Variants in CNTNAP2 observed in about 807,000 individuals in gnomAD.
The protein encoded by CNTNAP2 is contactin associated protein 2, also known as contactin-associated protein-like 2.
A neutral mutation model predicts 155.2 loss-of-function variants in CNTNAP2; 98 were observed. The observed-to-expected ratio is 0.63, with a 90% CI of 0.54 to 0.75. CNTNAP2 has a LOEUF of 0.75. Among genes scored for constraint, CNTNAP2 ranks in the 30% least tolerant of loss-of-function variants. The probability of loss-of-function intolerance (pLI) is 0.00; values close to 1 mark genes in which losing one functional copy is unlikely to be tolerated. For missense variants in CNTNAP2, 1,727 were observed against 1,688.1 expected (o/e 1.02, Z -0.40); for synonymous variants, 651 against 631.2 (o/e 1.03, Z -0.47).
chr7:147,856,150 G>A (rs922193761), intron 13 of CNTNAP2, among the ~76,000 whole-genome samples: 1 of 152,002 alleles, frequency 6.6e-6, no homozygotes, highest in African/African-American at 2.4e-5. Context: ...TCAACCGGCC[G>A]ACCCTGCTGC....
intron 4 of CNTNAP2, among the ~76,000 whole-genome samples, chr7:147,088,556 G>A (rs1340680631): frequency 6.6e-6 from 1 of 152,092 alleles, no homozygotes; most frequent in Non-Finnish European, 1.5e-5. Flanking sequence ...AACTAAATCA[G>A]ATTCTAAAAT....
At chr7:147,170,354 A>G (rs1584769310) in intron 8 of CNTNAP2, among the ~76,000 whole-genome samples, 1 of 151,192 alleles carries the variant, frequency 6.6e-6, no homozygotes, top group African/African-American at 2.4e-5. Context: ...GAGAGGGGTA[A>G]CCCCCTCACC....
intron 1 of CNTNAP2, among the ~76,000 whole-genome samples, chr7:146,712,665 T>TA (rs1296426632): frequency 6.6e-6 from 1 of 151,808 alleles, no homozygotes; most frequent in Non-Finnish European, 1.5e-5. Flanking sequence ...TTGCCTTTTT[T>TA]TTTCTTTTTT....
chr7:148,236,577 AGTCT>A (rs1353305304), intron 20 of CNTNAP2, among the ~76,000 whole-genome samples: 1 of 152,236 alleles, frequency 6.6e-6, no homozygotes, highest in Non-Finnish European at 1.5e-5. Flanking sequence ...TTAGGCATTT[AGTCT>A]GCCTTCCAGG....
At chr7:146,971,708 C>G (rs1584758139) in intron 3 of CNTNAP2, among the ~76,000 whole-genome samples, 1 of 152,196 alleles carries the variant, frequency 6.6e-6, no homozygotes, top group African/African-American at 2.4e-5. Flanking sequence ...GGGTCACTCT[C>G]TGGCCTACTA....
Position 147,132,439 on chromosome 7 carries a change from C to T in CNTNAP2, c.1278C>T (p.Leu426=). 6.2e-7 allele frequency: 1 copy of T among 1,613,644 alleles called. No homozygotes were observed. The highest frequency in any genetic ancestry group is 8.5e-7 in the Non-Finnish European group (1 of 1,179,754). The part of the protein sequence containing the change: ...ADNLGNVEID[L]TESKVGVHIN... Reference sequence around the variant, plus strand: ...ATTTGGGCAATGTGGAGATTGACCTCACTGAAAGCAAAGTGGGTGTTCACA... The same window carrying T: ...ATTTGGGCAATGTGGAGATTGACCTTACTGAAAGCAAAGTGGGTGTTCACA... The change falls in exon 8 of 24, where the codon CTC becomes CTT. Residue 426 remains leucine (L), a synonymous_variant. Transcript: ENST00000361727.
chr7:148,196,526 C>T (rs1426294940), intron 18 of CNTNAP2, among the ~76,000 whole-genome samples: 1 of 152,040 alleles, frequency 6.6e-6, no homozygotes, highest in Non-Finnish European at 1.5e-5. Flanking sequence ...ACAGCTGGGA[C>T]CAGAGGGGTC....
intron 11 of CNTNAP2, among the ~76,000 whole-genome samples, chr7:147,535,502 T>C (rs904963059): frequency 1.3e-5 from 2 of 152,200 alleles, no homozygotes; most frequent in African/African-American, 2.4e-5. Flanking sequence ...AGATTTCTAG[T>C]TGGAGAATGA....
At chr7:148,152,358 C>T (rs1805312411) in intron 17 of CNTNAP2, among the ~76,000 whole-genome samples, 1 of 151,894 alleles carries the variant, frequency 6.6e-6, no homozygotes, top group African/African-American at 2.4e-5. Flanking sequence ...AAATTGTCCT[C>T]ATGTGCTGAG....
intron 3 of CNTNAP2, among the ~76,000 whole-genome samples, chr7:146,917,559 T>C (rs1796418865): frequency 6.6e-6 from 1 of 152,170 alleles, no homozygotes; most frequent in South Asian, 2.1e-4. Flanking sequence ...CATGATATAA[T>C]GTCCTTCTTT....
chr7:147,730,870 C>G (rs185196532), intron 13 of CNTNAP2, among the ~76,000 whole-genome samples: 36 of 152,134 alleles, frequency 2.4e-4, no homozygotes, highest in Admixed American at 3.3e-4. Context: ...AAAACATGAA[C>G]GATAGAAAAG....
intron 1 of CNTNAP2, among the ~76,000 whole-genome samples, chr7:146,454,378 C>G (rs1029417200): frequency 6.6e-6 from 1 of 152,004 alleles, no homozygotes; most frequent in East Asian, 1.9e-4. Context: ...AGTTTGTTTA[C>G]GCAGAAGCAA....
chr7:147,905,319 G>A (rs1799941356), intron 14 of CNTNAP2, among the ~76,000 whole-genome samples: 1 of 152,174 alleles, frequency 6.6e-6, no homozygotes, highest in Non-Finnish European at 1.5e-5. Context: ...CATTGTCCAG[G>A]CAGCCCAGAG....
intron 14 of CNTNAP2, among the ~76,000 whole-genome samples, chr7:147,911,307 G>A (rs1459754125): frequency 6.6e-6 from 1 of 152,202 alleles, no homozygotes; most frequent in Non-Finnish European, 1.5e-5. Context: ...AAATAGAGAA[G>A]GTTAACAGGG....
chr7:147,574,403 A>T (rs985855627), intron 12 of CNTNAP2, among the ~76,000 whole-genome samples: 1 of 152,042 alleles, frequency 6.6e-6, no homozygotes, highest in Non-Finnish European at 1.5e-5. Flanking sequence ...TAGAGTAACA[A>T]TTATGTCCTG....
At chr7:148,018,127 G>A (rs1470490357) in intron 15 of CNTNAP2, among the ~76,000 whole-genome samples, 1 of 152,100 alleles carries the variant, frequency 6.6e-6, no homozygotes, top group Non-Finnish European at 1.5e-5. Context: ...ATCAGAATGG[G>A]GAAAATAACA....
At chr7:146,854,084 G>T (rs1446659336) in intron 3 of CNTNAP2, among the ~76,000 whole-genome samples, 1 of 152,156 alleles carries the variant, frequency 6.6e-6, no homozygotes, top group East Asian at 1.9e-4. Context: ...TGGGAATACT[G>T]ACTGTAGCAG....
intron 10 of CNTNAP2, among the ~76,000 whole-genome samples, chr7:147,476,929 TAAAAAA>T (rs1220005381): frequency 2.2e-4 from 4 of 18,244 alleles, no homozygotes; most frequent in Admixed American, 8.1e-4. Flanking sequence ...CTCTGTCATT[TAAAAAA>T]AAAAAAAAAA....
At chr7:147,586,343 A>C (rs1800620450) in intron 12 of CNTNAP2, among the ~76,000 whole-genome samples, 1 of 126,132 alleles carries the variant, frequency 7.9e-6, no homozygotes, top group Admixed American at 8.4e-5. Flanking sequence ...CCTGAATTTC[A>C]AAAGAAAGGA....
Sources: gnomAD v4.1 joint callset for allele counts (sites outside exome capture counted in the v4.1 genomes callset) on GRCh38, gnomAD v4.1.1 for gene constraint, MANE v1.5 for transcripts, NCBI Gene and HGNC (gene_info 2026-07-23, HGNC 2026-07-21) for gene names.